Variants in LOC128125814 observed in about 807,000 individuals in gnomAD.
At chr12:57,519,268 C>T in the LOC128125814 span, 3 of 521,136 alleles carry the variant, frequency 5.8e-6, no homozygotes, top group Non-Finnish European at 1.2e-5. Context: ...AAGGTAATTC[C>T]TGACCACCTG....
chr12:57,518,804 A>G, the LOC128125814 span, among the ~76,000 whole-genome samples: 7 of 152,132 alleles, frequency 4.6e-5, no homozygotes, highest in Non-Finnish European at 1.5e-5. Flanking sequence ...GATTACAGGC[A>G]TGCACTGCCA....
the LOC128125814 span, among the ~76,000 whole-genome samples, chr12:57,518,929 G>T: frequency 1.3e-5 from 2 of 152,132 alleles, no homozygotes; most frequent in Admixed American, 1.3e-4. Flanking sequence ...CAAAGTGCTG[G>T]GATTACAGGT....
At chr12:57,518,167 G>A in the LOC128125814 span, among the ~76,000 whole-genome samples, 1 of 151,994 alleles carries the variant, frequency 6.6e-6, no homozygotes, top group East Asian at 1.9e-4. Context: ...CTTACTTCTG[G>A]TCTTGTGGGG....
the LOC128125814 span, among the ~76,000 whole-genome samples, chr12:57,518,741 C>A: frequency 8.5e-5 from 13 of 152,226 alleles, no homozygotes; most frequent in South Asian, 4.1e-4. Context: ...TCACTGCAAC[C>A]TCCGCCTGCT....
At chr12:57,517,938 T>C in the LOC128125814 span, among the ~76,000 whole-genome samples, 50 of 152,230 alleles carry the variant, frequency 3.3e-4, no homozygotes, top group Middle Eastern at 6.8e-3. Flanking sequence ...GTGATTCTTC[T>C]GCCTCGGCCT....
At chr12:57,519,383 G>A in the LOC128125814 span, 4 of 367,520 alleles carry the variant, frequency 1.1e-5, no homozygotes, top group African/African-American at 6.4e-5. Context: ...CCACTGAGAT[G>A]ATTTTTTCCT....
chr12:57,518,264 G>A, the LOC128125814 span, among the ~76,000 whole-genome samples: 1 of 152,124 alleles, frequency 6.6e-6, no homozygotes, highest in Non-Finnish European at 1.5e-5. Context: ...TTGTAGTCCT[G>A]GTTACATAAT....
At chr12:57,519,905 G>A in the LOC128125814 span, among the ~76,000 whole-genome samples, 31 of 152,352 alleles carry the variant, frequency 2.0e-4, no homozygotes, top group African/African-American at 7.5e-4. Flanking sequence ...AAAGGCTTGT[G>A]TCTCCTCAAG....
At chr12:57,519,178 T>C in the LOC128125814 span, 4 of 533,492 alleles carry the variant, frequency 7.5e-6, no homozygotes, top group Middle Eastern at 4.5e-4. Flanking sequence ...AAACAGGTCA[T>C]TCCTCTGCTC....
chr12:57,518,272 A>G, the LOC128125814 span, among the ~76,000 whole-genome samples: 25 of 152,296 alleles, frequency 1.6e-4, no homozygotes, highest in African/African-American at 6.0e-4. Flanking sequence ...CTGGTTACAT[A>G]ATAGTAAAGT....
chr12:57,517,814 CTT>C, the LOC128125814 span: 829 of 424,620 alleles, frequency 2.0e-3, 2 homozygotes, highest in Non-Finnish European at 2.8e-3. Context: ...ACTTACTTTT[CTT>C]TTTCTTTTTT....
chr12:57,518,579 A>G, the LOC128125814 span, among the ~76,000 whole-genome samples: 2 of 152,178 alleles, frequency 1.3e-5, no homozygotes, highest in African/African-American at 2.4e-5. Flanking sequence ...TGACAACTCT[A>G]GTTGCTTAAG....
chr12:57,519,786 A>G, the LOC128125814 span, among the ~76,000 whole-genome samples: 1 of 152,172 alleles, frequency 6.6e-6, no homozygotes, highest in African/African-American at 2.4e-5. Flanking sequence ...GGAGACCCCA[A>G]ATGGCCTCCT....
the LOC128125814 span, chr12:57,520,466 G>T: frequency 5.0e-6 from 2 of 398,482 alleles, no homozygotes; most frequent in African/African-American, 4.1e-5. Flanking sequence ...GCTGCCACCC[G>T]CTCATCTTTA....
chr12:57,520,226 C>T, the LOC128125814 span, among the ~76,000 whole-genome samples: 3 of 152,184 alleles, frequency 2.0e-5, no homozygotes, highest in Admixed American at 2.0e-4. Context: ...CGGCTCCGGG[C>T]AGGGGTGGAG....
chr12:57,518,107 C>T, the LOC128125814 span, among the ~76,000 whole-genome samples: 6 of 151,974 alleles, frequency 3.9e-5, no homozygotes, highest in East Asian at 1.9e-4. Flanking sequence ...CATGAGCTAC[C>T]GTGCTGGGCC....
At chr12:57,519,775 G>T in the LOC128125814 span, among the ~76,000 whole-genome samples, 1 of 152,208 alleles carries the variant, frequency 6.6e-6, no homozygotes, top group Non-Finnish European at 1.5e-5. Context: ...CAATACCCTG[G>T]GGAGACCCCA....
the LOC128125814 span, chr12:57,520,339 G>A: frequency 5.0e-6 from 2 of 398,318 alleles, no homozygotes; most frequent in Non-Finnish European, 8.9e-6. Context: ...CTGTGGAGGA[G>A]TGAGGCCGAT....
the LOC128125814 span, chr12:57,519,177 A>G: frequency 1.9e-6 from 1 of 533,496 alleles, no homozygotes. Flanking sequence ...AAAACAGGTC[A>G]TTCCTCTGCT....
Sources: gnomAD v4.1 joint callset for allele counts (sites outside exome capture counted in the v4.1 genomes callset) on GRCh38, gnomAD v4.1.1 for gene constraint, MANE v1.5 for transcripts.